Variants in RBFOX1 observed in about 807,000 individuals in gnomAD.
RBFOX1 encodes RNA binding fox-1 homolog 1, also known as RNA binding protein fox-1 homolog 1.
In RBFOX1, 8 loss-of-function variants were observed where a neutral mutation model predicts 57.7. That is an observed-to-expected ratio of 0.14 (90% CI 0.08 to 0.25). The LOEUF (loss-of-function observed/expected upper bound fraction) is 0.25. RBFOX1 is among the 10% of genes least tolerant of loss of function. The pLI is 1.00. For synonymous variants in RBFOX1, 326 were observed against 222.4 expected (o/e 1.47, Z -4.15); for missense variants, 611 against 548.5 (o/e 1.11, Z -1.14).
At chr16:7,096,442 C>G (rs759115941) in intron 4 of RBFOX1, among the ~76,000 whole-genome samples, 2 of 152,166 alleles carry the variant, frequency 1.3e-5, no homozygotes, top group African/African-American at 2.4e-5. Flanking sequence ...GGCTGACATG[C>G]CACTGTTAAC....
At chr16:7,311,900 C>G (rs1406887514) in intron 4 of RBFOX1, among the ~76,000 whole-genome samples, 1 of 152,226 alleles carries the variant, frequency 6.6e-6, no homozygotes, top group African/African-American at 2.4e-5. Context: ...ATTCAATTAG[C>G]TGATCCAGCT....
At chr16:7,103,389 G>A (rs932614486) in intron 4 of RBFOX1, among the ~76,000 whole-genome samples, 8 of 152,098 alleles carry the variant, frequency 5.3e-5, no homozygotes, top group African/African-American at 1.9e-4. Context: ...AATGAAGCTG[G>A]CCTGGCCCAT....
chr16:5,855,789 C>A (rs1171774420), intron 3 of RBFOX1, among the ~76,000 whole-genome samples: 3 of 151,872 alleles, frequency 2.0e-5, no homozygotes, highest in Non-Finnish European at 4.4e-5. Context: ...AGGGATCATA[C>A]TGACTGTAGA....
At chr16:6,000,094 C>T (rs534488696) in intron 4 of RBFOX1, among the ~76,000 whole-genome samples, 2 of 152,076 alleles carry the variant, frequency 1.3e-5, no homozygotes, top group East Asian at 3.9e-4. Context: ...GGTGTGTCTG[C>T]CAAGGCCTTA....
intron 4 of RBFOX1, among the ~76,000 whole-genome samples, chr16:7,289,080 G>A (rs1013189610): frequency 4.6e-5 from 7 of 152,170 alleles, no homozygotes; most frequent in Non-Finnish European, 1.0e-4. Context: ...GAGTTACCCA[G>A]AAGAACACTC....
Position 6,874,387 on chromosome 16 carries a change from G to A in RBFOX1, c.-15-177670G>A, listed in dbSNP as rs112308199. Among the ~76,000 whole-genome samples the A allele has an allele frequency of 3.3e-5, 5 of 151,904 alleles. 1 individual carries two copies. Among genetic ancestry groups the A allele is most frequent in the Admixed American group, 1.3e-4 (2 of 15,232 alleles). On this transcript the variant is annotated intron_variant, in intron 3 of 15. Transcript: ENST00000550418. ...TAGCCAGGCATATTGGCAGGTGCCT[G>A]TAGTCCCAGCTACTTAGGAGGCTGA...
chr16:7,396,096 G>A (rs1336867665), intron 4 of RBFOX1, among the ~76,000 whole-genome samples: 1 of 152,090 alleles, frequency 6.6e-6, no homozygotes, highest in African/African-American at 2.4e-5. Context: ...CAGCTTGTAA[G>A]TGTCAGGGGA....
chr16:5,508,387 CA>C (rs1376336413), intron 2 of RBFOX1, among the ~76,000 whole-genome samples: 1 of 152,186 alleles, frequency 6.6e-6, no homozygotes, highest in Non-Finnish European at 1.5e-5. Context: ...TCCCAGCTAG[CA>C]GCAAGGGTGA....
At chr16:5,764,592 G>A (rs949043795) in intron 3 of RBFOX1, among the ~76,000 whole-genome samples, 2 of 152,140 alleles carry the variant, frequency 1.3e-5, no homozygotes, top group African/African-American at 2.4e-5. Context: ...AGGGGAGGGA[G>A]AAGGGCCCAT....
chr16:6,343,430 T>C (rs2084871491), intron 2 of RBFOX1, among the ~76,000 whole-genome samples: 1 of 152,180 alleles, frequency 6.6e-6, no homozygotes, highest in Admixed American at 6.5e-5. Flanking sequence ...TTCAGGGAAG[T>C]TCTTTCTACA....
chr16:6,281,643 G>C (rs963881409), intron 1 of RBFOX1, among the ~76,000 whole-genome samples: 2 of 152,054 alleles, frequency 1.3e-5, no homozygotes, highest in African/African-American at 2.4e-5. Flanking sequence ...CGGTGGTGTT[G>C]GTAGTAACGG....
At chr16:6,125,004 C>T (rs1187654347) in intron 1 of RBFOX1, among the ~76,000 whole-genome samples, 1 of 152,120 alleles carries the variant, frequency 6.6e-6, no homozygotes, top group South Asian at 2.1e-4. Flanking sequence ...GCTTTGGAAG[C>T]CTCCAACCCA....
At chr16:6,941,738 A>C (rs1265134408) in intron 3 of RBFOX1, among the ~76,000 whole-genome samples, 1 of 152,176 alleles carries the variant, frequency 6.6e-6, no homozygotes, top group African/African-American at 2.4e-5. Context: ...GGCTTCTGAG[A>C]ATGTGGTAAC....
intron 4 of RBFOX1, among the ~76,000 whole-genome samples, chr16:7,247,286 G>T (rs2094340414): frequency 6.6e-6 from 1 of 152,168 alleles, no homozygotes; most frequent in African/African-American, 2.4e-5. Flanking sequence ...CTCGCTGCCG[G>T]TTAACATTCC....
intron 2 of RBFOX1, among the ~76,000 whole-genome samples, chr16:6,363,199 C>T (rs1456754468): frequency 6.6e-6 from 1 of 152,198 alleles, no homozygotes; most frequent in Non-Finnish European, 1.5e-5. Context: ...CTGTCAACTT[C>T]ATCCTAATTT....
chr16:7,710,576 C>T, intron 15 of RBFOX1, 47 bp from the exon 16 acceptor site: 2 of 1,607,052 alleles, frequency 1.2e-6, no homozygotes, highest in South Asian at 1.1e-5. Context: ...CCACATGTTG[C>T]AAAAGGAAAA....
At chr16:5,555,661 T>C (rs2045640936) in intron 2 of RBFOX1, among the ~76,000 whole-genome samples, 1 of 152,024 alleles carries the variant, frequency 6.6e-6, no homozygotes, top group South Asian at 2.1e-4. Context: ...TGTAGCTCTG[T>C]TGAAGTGAGG....
At chr16:6,945,524 T>C (rs1167031407) in intron 3 of RBFOX1, among the ~76,000 whole-genome samples, 2 of 152,160 alleles carry the variant, frequency 1.3e-5, no homozygotes, top group Non-Finnish European at 2.9e-5. Flanking sequence ...AAACACTACC[T>C]GACCATGTAA....
At chr16:5,401,204 GTTTTTAC>G (rs1315365908) in intron 1 of RBFOX1, among the ~76,000 whole-genome samples, 11 of 152,212 alleles carry the variant, frequency 7.2e-5, no homozygotes, top group African/African-American at 2.4e-4. Context: ...TTTATAGTCA[GTTTTTAC>G]TTTTTAGATC....
Sources: allele counts gnomAD v4.1 joint callset (sites outside exome capture counted in the v4.1 genomes callset), GRCh38; gene constraint gnomAD v4.1.1; transcripts MANE v1.5; gene names NCBI Gene and HGNC (gene_info 2026-07-23, HGNC 2026-07-21).